NLGN1: variants seen among roughly 807,000 people sequenced by gnomAD.
NLGN1 encodes neuroligin 1, also known as neuroligin-1.
A neutral mutation model predicts 65.5 loss-of-function variants in NLGN1; 12 were observed. The observed-to-expected ratio is 0.18, with a 90% CI of 0.12 to 0.30. NLGN1 has a LOEUF of 0.30. Ranked by LOEUF, NLGN1 falls within the 10% of genes least tolerant of loss-of-function variation. The pLI is 1.00. For missense variants in NLGN1, 750 were observed against 1,007.1 expected (o/e 0.74, Z 3.46); for synonymous variants, 350 against 359.5 (o/e 0.97, Z 0.30).
chr3:173,706,669 T>C (rs1369404261), intron 3 of NLGN1, among the ~76,000 whole-genome samples: 1 of 152,212 alleles, frequency 6.6e-6, no homozygotes, highest in Non-Finnish European at 1.5e-5. Context: ...TGAGCAGGCA[T>C]TACCAAGCCT....
chr3:173,455,985 T>G (rs978785483), intron 2 of NLGN1, among the ~76,000 whole-genome samples: 13 of 151,998 alleles, frequency 8.6e-5, no homozygotes, highest in African/African-American at 3.1e-4. Flanking sequence ...AAATTGAACA[T>G]TCCTCCACCT....
At chr3:174,182,123 T>G (rs1730559772) in intron 4 of NLGN1, among the ~76,000 whole-genome samples, 1 of 152,124 alleles carries the variant, frequency 6.6e-6, no homozygotes, top group Non-Finnish European at 1.5e-5. Flanking sequence ...ATATCCTTAA[T>G]TAGCAGAGCC....
At position 173,521,674 on chromosome 3, in the gene NLGN1, C is replaced by T. The variant is rs114055754; in HGVS notation, c.-320-82605C>T. ...CAGAACCTCCCAGGCTGATTAGGAG[C>T]TCTGAGCCTAGTAATAATAATAATG... On this transcript the variant is annotated intron_variant, in intron 2 of 6. Transcript: ENST00000457714. Among the ~76,000 whole-genome samples, 589 of 152,246 alleles carry T rather than the reference C, an allele frequency of 3.9e-3. 2 individuals carry two copies. The highest frequency in any genetic ancestry group is 0.013 in the African/African-American group (549 of 41,546).
chr3:174,174,180 A>C (rs1577215164), intron 4 of NLGN1, among the ~76,000 whole-genome samples: 1 of 152,232 alleles, frequency 6.6e-6, no homozygotes, highest in East Asian at 1.9e-4. Context: ...GCTGAGTAGT[A>C]ATCCATTGTA....
At chr3:174,199,505 T>G (rs1277333995) in intron 4 of NLGN1, among the ~76,000 whole-genome samples, 2 of 149,986 alleles carry the variant, frequency 1.3e-5, no homozygotes, top group Non-Finnish European at 3.0e-5. Flanking sequence ...GTCTGAACAG[T>G]GTGGAAGAGT....
rs536801188 is a variant in NLGN1, at chr3:174,160,109, C to T, written c.647-115206C>T. On this transcript the variant is annotated intron_variant, in intron 4 of 6. Coordinates refer to ENST00000457714, the Ensembl canonical transcript of NLGN1. ...ATAAAGACACACAAACACATACACA[C>T]ACACACACATGCTCTATAAACAGAA... Among the ~76,000 whole-genome samples the T allele has an allele frequency of 3.3e-5, 5 of 151,992 alleles. No homozygotes were observed. In the South Asian group the frequency reaches 1.0e-3, roughly 31 times the overall value.
rs144552257 is a variant in NLGN1, at chr3:173,728,626, C to A, written c.494-79054C>A. Among the ~76,000 whole-genome samples, 190 of 152,028 alleles carry A rather than the reference C, an allele frequency of 1.2e-3. 1 individual carries two copies. The highest frequency in any genetic ancestry group is 7.7e-3 in the South Asian group (37 of 4,806). Reference sequence around the variant, plus strand: ...ATGAGTCATGCTTGATTAGAGTGGGCCCTAAATCCAAAGACTGGTATCTTT... The same window carrying A: ...ATGAGTCATGCTTGATTAGAGTGGGACCTAAATCCAAAGACTGGTATCTTT... On this transcript the variant is annotated intron_variant, in intron 3 of 6. Coordinates refer to ENST00000457714, the Ensembl canonical transcript of NLGN1.
chr3:173,896,455 G>A (rs1736374732), intron 4 of NLGN1, among the ~76,000 whole-genome samples: 1 of 152,086 alleles, frequency 6.6e-6, no homozygotes, highest in Non-Finnish European at 1.5e-5. Context: ...TCTGTGAAAA[G>A]GCTAGGAATA....
chr3:174,272,059 T>G (rs1350221025), intron 4 of NLGN1, among the ~76,000 whole-genome samples: 1 of 151,690 alleles, frequency 6.6e-6, no homozygotes, highest in Non-Finnish European at 1.5e-5. Context: ...ACAATAATAA[T>G]TAGTCACACA....
intron 4 of NLGN1, among the ~76,000 whole-genome samples, chr3:174,155,852 A>G (rs1471879878): frequency 6.6e-6 from 1 of 151,982 alleles, no homozygotes; most frequent in Non-Finnish European, 1.5e-5. Context: ...GAGCAAAGCC[A>G]ATCTTAGTGA....
chr3:173,436,928 A>G (rs999668255), intron 2 of NLGN1, among the ~76,000 whole-genome samples: 5 of 152,196 alleles, frequency 3.3e-5, no homozygotes, highest in Admixed American at 2.6e-4. Flanking sequence ...TAGGCCAGTC[A>G]TAACCTCTTT....
intron 2 of NLGN1, among the ~76,000 whole-genome samples, chr3:173,578,750 A>G (rs1745936829): frequency 6.6e-6 from 1 of 152,198 alleles, no homozygotes; most frequent in Non-Finnish European, 1.5e-5. Context: ...TCATGGTACT[A>G]TGGAATTAAA....
intron 4 of NLGN1, among the ~76,000 whole-genome samples, chr3:173,826,563 A>G (rs1045245857): frequency 6.6e-6 from 1 of 152,114 alleles, no homozygotes; most frequent in Non-Finnish European, 1.5e-5. Context: ...GAAGTTCCTT[A>G]TAAATAGTTT....
intron 4 of NLGN1, among the ~76,000 whole-genome samples, chr3:174,079,932 G>A (rs1741793545): frequency 6.6e-6 from 1 of 151,984 alleles, no homozygotes; most frequent in South Asian, 2.1e-4. Flanking sequence ...AATAACTAAT[G>A]GGTACTAGGC....
intron 3 of NLGN1, among the ~76,000 whole-genome samples, chr3:173,686,641 C>G (rs1764719482): frequency 6.6e-6 from 1 of 152,108 alleles, no homozygotes; most frequent in Non-Finnish European, 1.5e-5. Context: ...CCATAACCTA[C>G]TCCAACATCC....
intron 2 of NLGN1, among the ~76,000 whole-genome samples, chr3:173,577,017 T>A (rs1745602686): frequency 6.6e-6 from 1 of 152,192 alleles, no homozygotes; most frequent in Admixed American, 6.5e-5. Flanking sequence ...AACGTGATCT[T>A]AGTTAAGTCA....
chr3:173,779,833 A>G (rs1255897664), intron 3 of NLGN1, among the ~76,000 whole-genome samples: 8 of 152,164 alleles, frequency 5.3e-5, no homozygotes, highest in African/African-American at 2.4e-5. Context: ...GTGGCAGAAT[A>G]TGGTGTAAAA....
intron 3 of NLGN1, among the ~76,000 whole-genome samples, chr3:173,659,355 T>C (rs1047791818): frequency 2.0e-5 from 3 of 151,998 alleles, no homozygotes; most frequent in African/African-American, 7.2e-5. Context: ...AACAAATTGG[T>C]GATACCTAAG....
chr3:173,578,302 T>C (rs1392580048), intron 2 of NLGN1, among the ~76,000 whole-genome samples: 2 of 151,898 alleles, frequency 1.3e-5, no homozygotes, highest in Admixed American at 1.3e-4. Context: ...TTGGAAATCA[T>C]GGAACTAAAT....
Sources: gnomAD v4.1 joint callset for allele counts (sites outside exome capture counted in the v4.1 genomes callset) on GRCh38, gnomAD v4.1.1 for gene constraint, MANE v1.5 for transcripts, NCBI Gene and HGNC (gene_info 2026-07-23, HGNC 2026-07-21) for gene names.